Variants in CDH9 observed in about 807,000 individuals in gnomAD.
The protein encoded by CDH9 is cadherin 9, also known as cadherin-9.
In CDH9, 28 loss-of-function variants were observed where a neutral mutation model predicts 70.9. The ratio of observed to expected loss-of-function variants is 0.40; its 90% CI spans 0.29 to 0.54. The LOEUF (loss-of-function observed/expected upper bound fraction) is 0.54. Among genes scored for constraint, CDH9 ranks in the 20% least tolerant of loss-of-function variants. The pLI is 0.59. For synonymous variants in CDH9, 409 were observed against 343.1 expected (o/e 1.19, Z -2.12); for missense variants, 874 against 984.4 (o/e 0.89, Z 1.50).
At chr5:27,015,490 A>G (rs1299228364) in intron 1 of CDH9, among the ~76,000 whole-genome samples, 1 of 151,838 alleles carries the variant, frequency 6.6e-6, no homozygotes, top group Admixed American at 6.6e-5. Flanking sequence ...TATTTAGCAA[A>G]GCAACATTTG....
chr5:27,013,700 G>T (rs925016505), intron 1 of CDH9, among the ~76,000 whole-genome samples: 24 of 151,600 alleles, frequency 1.6e-4, no homozygotes, highest in African/African-American at 5.1e-4. Flanking sequence ...TATATTGCAA[G>T]AAAAAAATAC....
At chr5:26,985,839 G>C (rs1312947401) in intron 2 of CDH9, among the ~76,000 whole-genome samples, 1 of 152,082 alleles carries the variant, frequency 6.6e-6, no homozygotes, top group Non-Finnish European at 1.5e-5. Context: ...TGCTCAAGAA[G>C]TTAAATCCTT....
At chr5:26,964,467 G>A (rs1742093927) in intron 2 of CDH9, among the ~76,000 whole-genome samples, 1 of 152,000 alleles carries the variant, frequency 6.6e-6, no homozygotes, top group African/African-American at 2.4e-5. Flanking sequence ...CGATTGACTG[G>A]TAGTAGTAGT....
intron 1 of CDH9, among the ~76,000 whole-genome samples, chr5:27,015,840 A>G (rs1743037827): frequency 6.6e-6 from 1 of 151,742 alleles, no homozygotes; most frequent in South Asian, 2.1e-4. Context: ...TGTCAACAGC[A>G]CTAGTCAGAA....
intron 2 of CDH9, among the ~76,000 whole-genome samples, chr5:26,936,486 T>C (rs1220170584): frequency 1.3e-5 from 2 of 152,142 alleles, no homozygotes; most frequent in Non-Finnish European, 2.9e-5. Flanking sequence ...TAAAGAGTCT[T>C]TCCAACTTGA....
At chr5:26,954,151 ACTT>A (rs1210985730) in intron 2 of CDH9, among the ~76,000 whole-genome samples, 7 of 152,164 alleles carry the variant, frequency 4.6e-5, no homozygotes, top group African/African-American at 1.7e-4. Context: ...ATTTGGTACA[ACTT>A]CTTTAATTCA....
chr5:26,915,576 A>C (rs939450326), intron 3 of CDH9, 54 bp downstream of exon 3: 14 of 1,006,008 alleles, frequency 1.4e-5, no homozygotes, highest in East Asian at 2.4e-5. Flanking sequence ...AATAATAATT[A>C]CCTGAGCAAA....
intron 1 of CDH9, among the ~76,000 whole-genome samples, chr5:26,994,799 T>C (rs1742640312): frequency 1.3e-5 from 2 of 152,202 alleles, no homozygotes; most frequent in South Asian, 2.1e-4. Flanking sequence ...ATGTGCCAAC[T>C]TGAAGACCTC....
chr5:26,952,458 C>CAAAAA lies in CDH9; in HGVS notation c.228+35643_228+35647dup, dbSNP rs766973787. 1.8e-3 allele frequency among the ~76,000 whole-genome samples: 18 copies of CAAAAA among 9,968 alleles called. 1 individual carries two copies. Among genetic ancestry groups the CAAAAA allele is most frequent in the South Asian group, 9.0e-3 (2 of 222 alleles). The allele number at this position is 9,968 out of a possible 152,430, so 6.5% of individuals were successfully genotyped here. On this transcript the variant is annotated intron_variant, in intron 2 of 11. Transcript: ENST00000231021. Reference sequence around the variant, plus strand: ...TGAAACCCCGTCTCTACTAAAAATACAAAAAAAAAAAAAAAAAAAAAAAAA... The same window carrying CAAAAA: ...TGAAACCCCGTCTCTACTAAAAATACAAAAAAAAAAAAAAAAAAAAAAAAAAAAAA...
At chr5:26,892,715 T>TG (rs964892680) in intron 7 of CDH9, among the ~76,000 whole-genome samples, 3 of 151,926 alleles carry the variant, frequency 2.0e-5, no homozygotes, top group African/African-American at 7.2e-5. Context: ...CTGGCATTTT[T>TG]TTGTTGTTGT....
intron 1 of CDH9, among the ~76,000 whole-genome samples, chr5:27,011,914 A>G (rs958533550): frequency 1.3e-5 from 2 of 151,936 alleles, no homozygotes; most frequent in Admixed American, 6.6e-5. Context: ...TTGTTATAAT[A>G]ATAATAAAAC....
intron 1 of CDH9, among the ~76,000 whole-genome samples, chr5:27,001,498 A>G (rs1254100281): frequency 1.3e-5 from 2 of 152,138 alleles, no homozygotes; most frequent in Non-Finnish European, 2.9e-5. Context: ...ACCATGATCC[A>G]TGGGGTAATA....
chr5:26,935,996 G>A (rs1741551858), intron 2 of CDH9, among the ~76,000 whole-genome samples: 1 of 152,008 alleles, frequency 6.6e-6, no homozygotes, highest in South Asian at 2.1e-4. Context: ...CCAAATAATG[G>A]GATGGAAAAC....
At chr5:26,987,976 G>C (rs1742515119) in intron 2 of CDH9, 130 bp downstream of exon 2, 1 of 650,678 alleles carries the variant, frequency 1.5e-6, no homozygotes, top group East Asian at 2.7e-5. Flanking sequence ...AAAATAGTTT[G>C]CAATATCACA....
intron 1 of CDH9, among the ~76,000 whole-genome samples, chr5:27,016,708 TA>T (rs1365080190): frequency 6.6e-6 from 1 of 151,882 alleles, no homozygotes; most frequent in East Asian, 1.9e-4. Flanking sequence ...TTTTAGCCAT[TA>T]AAAATGCATT....
At chr5:26,911,337 T>G (rs2111999898) in intron 3 of CDH9, among the ~76,000 whole-genome samples, 1 of 152,276 alleles carries the variant, frequency 6.6e-6, no homozygotes, top group African/African-American at 2.4e-5. Context: ...TTATAAATAC[T>G]TTACCAAACG....
chr5:26,897,478 A>C (rs112218140), intron 7 of CDH9, among the ~76,000 whole-genome samples: 3 of 152,194 alleles, frequency 2.0e-5, no homozygotes, highest in Non-Finnish European at 4.4e-5. Flanking sequence ...ACCACGATCA[A>C]GTTGGCTTCA....
intron 1 of CDH9, among the ~76,000 whole-genome samples, chr5:27,029,635 A>C (rs2112134079): frequency 6.6e-6 from 1 of 152,112 alleles, no homozygotes; most frequent in East Asian, 1.9e-4. Context: ...TAAGGAGAAA[A>C]TTTAAATGTA....
At chr5:26,886,919 T>TA (rs1214213493) in intron 9 of CDH9, among the ~76,000 whole-genome samples, 1 of 152,162 alleles carries the variant, frequency 6.6e-6, no homozygotes, top group East Asian at 1.9e-4. Flanking sequence ...GCCATTTAAT[T>TA]ACTCTGACTT....
Sources: allele counts gnomAD v4.1 joint callset (sites outside exome capture counted in the v4.1 genomes callset), GRCh38; gene constraint gnomAD v4.1.1; transcripts MANE v1.5; gene names NCBI Gene and HGNC (gene_info 2026-07-23, HGNC 2026-07-21).